Variants in FHIT observed in about 807,000 individuals in gnomAD.
The protein encoded by FHIT is fragile histidine triad diadenosine triphosphatase, also known as bis(5'-adenosyl)-triphosphatase.
Under a neutral mutation model 17.9 loss-of-function variants are expected in FHIT, and 19 were observed. That is an observed-to-expected ratio of 1.06 (90% CI 0.74 to 1.56). The LOEUF (loss-of-function observed/expected upper bound fraction) is 1.56, where lower values mean the gene tolerates loss of function less well. Among genes scored for constraint, FHIT ranks in the 40% most tolerant of loss-of-function variants. The pLI, the probability that FHIT is intolerant of heterozygous loss-of-function variation, is 0.00. For synonymous variants in FHIT, 81 were observed against 69.7 expected (o/e 1.16, Z -0.81); for missense variants, 248 against 189.2 (o/e 1.31, Z -1.82).
chr3:60,247,907 T>C (rs918264095), intron 5 of FHIT, among the ~76,000 whole-genome samples: 2 of 152,140 alleles, frequency 1.3e-5, no homozygotes, highest in African/African-American at 4.8e-5. Context: ...TTGTTATGAC[T>C]AACTACAACT....
chr3:61,163,867 C>A (rs1334539038), intron 2 of FHIT, among the ~76,000 whole-genome samples: 3 of 152,076 alleles, frequency 2.0e-5, no homozygotes, highest in Non-Finnish European at 4.4e-5. Context: ...AATTTATGTC[C>A]CTTTCTCTTA....
At chr3:60,192,639 C>G (rs894640103) in intron 5 of FHIT, among the ~76,000 whole-genome samples, 2 of 152,176 alleles carry the variant, frequency 1.3e-5, no homozygotes, top group Admixed American at 1.3e-4. Flanking sequence ...TTGCCTGCAT[C>G]TCATATTTGA....
chr3:60,361,867 G>A (rs900659680), intron 5 of FHIT, among the ~76,000 whole-genome samples: 4 of 152,010 alleles, frequency 2.6e-5, no homozygotes, highest in Admixed American at 2.0e-4. Context: ...ATATCTCACG[G>A]GAATCCATTC....
chr3:61,085,760 T>C (rs1575985363), intron 2 of FHIT, among the ~76,000 whole-genome samples: 2 of 152,294 alleles, frequency 1.3e-5, no homozygotes, highest in Non-Finnish European at 2.9e-5. Context: ...TTTTAAAGCT[T>C]ATATTTTGGT....
chr3:60,955,619 T>TATATATATAC (rs1709105219), intron 3 of FHIT, among the ~76,000 whole-genome samples: 4 of 13,724 alleles, frequency 2.9e-4, no homozygotes, highest in Non-Finnish European at 5.2e-4. Flanking sequence ...TATATATATA[T>TATATATATAC]ATATATATAT....
intron 5 of FHIT, among the ~76,000 whole-genome samples, chr3:60,099,778 T>A (rs191590447): frequency 2.2e-3 from 329 of 152,330 alleles, no homozygotes; most frequent in Non-Finnish European, 2.6e-3. Context: ...TAACTCATGA[T>A]AAGTTTATTG....
chr3:60,321,032 G>A (rs897376500), intron 5 of FHIT, among the ~76,000 whole-genome samples: 1 of 152,168 alleles, frequency 6.6e-6, no homozygotes, highest in Admixed American at 6.5e-5. Context: ...AAAGGTCTTT[G>A]AACCTGTTAT....
intron 3 of FHIT, among the ~76,000 whole-genome samples, chr3:60,836,460 C>T (rs189042428): frequency 1.3e-5 from 2 of 152,114 alleles, no homozygotes; most frequent in East Asian, 3.9e-4. Context: ...TAGTTATGGG[C>T]TTTTAAATAT....
chr3:60,770,063 T>A (rs539816607), intron 4 of FHIT, among the ~76,000 whole-genome samples: 25 of 152,144 alleles, frequency 1.6e-4, no homozygotes, highest in African/African-American at 6.0e-4. Context: ...ATGGAGGCCA[T>A]GAAGAGAATA....
chr3:60,052,739 T>A (rs527679958), intron 5 of FHIT, among the ~76,000 whole-genome samples: 1 of 148,754 alleles, frequency 6.7e-6, no homozygotes, highest in African/African-American at 2.4e-5. Flanking sequence ...AAAAAGTATG[T>A]CTAAAATATA....
intron 3 of FHIT, among the ~76,000 whole-genome samples, chr3:60,892,750 T>C (rs964642354): frequency 6.6e-6 from 1 of 152,204 alleles, no homozygotes. Flanking sequence ...TTCTGCCATC[T>C]AGGAGAATAG....
Position 60,981,715 on chromosome 3 carries a change from C to A in FHIT, c.-111+60332G>T, listed in dbSNP as rs1392424863. 4.6e-5 allele frequency among the ~76,000 whole-genome samples: 7 copies of A among 151,624 alleles called. No homozygotes were observed. In the South Asian group the frequency reaches 1.0e-3, roughly 23 times the overall value. On this transcript the variant is annotated intron_variant, in intron 3 of 9. Transcript: ENST00000492590. ...CTTCAAACTCCTGGGCTCTGGTGAG[C>A]CTCCCTTCTCAGTCTCCTGAGTAGC...
chr3:60,013,041 C>T (rs1249468715), intron 6 of FHIT, among the ~76,000 whole-genome samples: 1 of 152,124 alleles, frequency 6.6e-6, no homozygotes, highest in Non-Finnish European at 1.5e-5. Flanking sequence ...AACACATACA[C>T]ACAAAGCATT....
intron 2 of FHIT, among the ~76,000 whole-genome samples, chr3:61,193,574 C>A (rs1208920219): frequency 6.6e-6 from 1 of 152,188 alleles, no homozygotes; most frequent in Non-Finnish European, 1.5e-5. Context: ...ACACTCCAAA[C>A]ACCACTTAGA....
intron 8 of FHIT, among the ~76,000 whole-genome samples, chr3:59,844,858 A>C (rs1701661118): frequency 1.3e-5 from 2 of 152,082 alleles, no homozygotes; most frequent in Admixed American, 1.3e-4. Flanking sequence ...TTTTTTTGAA[A>C]AGTTTGAAAA....
chr3:59,859,975 C>A (rs1575600749), intron 8 of FHIT, among the ~76,000 whole-genome samples: 1 of 152,000 alleles, frequency 6.6e-6, no homozygotes, highest in African/African-American at 2.4e-5. Flanking sequence ...AATCAAACAC[C>A]TGAAGAGTGA....
chr3:61,068,100 G>C lies in FHIT; in HGVS notation c.-163-26001C>G, dbSNP rs190290111. 2.6e-5 allele frequency among the ~76,000 whole-genome samples: 4 copies of C among 152,266 alleles called. No homozygotes were observed. In the East Asian group the frequency reaches 7.7e-4, roughly 29 times the overall value. ...AATTTGCATTTCAGTAATTTACCAG[G>C]TGTATTACTATCCGAATAAAGCCAG... On this transcript the variant is annotated intron_variant, in intron 2 of 9. Coordinates refer to ENST00000492590, the MANE Select transcript of FHIT (RefSeq NM_002012.4).
At chr3:60,227,406 A>C (rs1352488559) in intron 5 of FHIT, among the ~76,000 whole-genome samples, 2 of 152,212 alleles carry the variant, frequency 1.3e-5, no homozygotes, top group African/African-American at 2.4e-5. Flanking sequence ...AGTCAGAGGA[A>C]GTGAAGAAAT....
intron 3 of FHIT, among the ~76,000 whole-genome samples, chr3:61,036,196 A>G (rs555958503): frequency 6.6e-6 from 1 of 152,276 alleles, no homozygotes; most frequent in South Asian, 2.1e-4. Context: ...TGGGGAAAGC[A>G]GGGGCAGAAC....
Sources: allele counts gnomAD v4.1 joint callset (sites outside exome capture counted in the v4.1 genomes callset), GRCh38; gene constraint gnomAD v4.1.1; transcripts MANE v1.5; gene names NCBI Gene and HGNC (gene_info 2026-07-23, HGNC 2026-07-21).